Variants in PDE8A observed in about 807,000 individuals in gnomAD.
The protein encoded by PDE8A is high affinity cAMP-specific and IBMX-insensitive 3',5'-cyclic phosphodiesterase 8A.
In PDE8A, 59 loss-of-function variants were observed where a neutral mutation model predicts 105.0. The observed-to-expected ratio is 0.56, with a 90% CI of 0.46 to 0.70. The LOEUF (loss-of-function observed/expected upper bound fraction) is 0.70. PDE8A is among the 30% of genes least tolerant of loss of function. The pLI is 0.00. For synonymous variants in PDE8A, 355 were observed against 371.9 expected (o/e 0.95, Z 0.52); for missense variants, 1,014 against 1,045.9 (o/e 0.97, Z 0.42).
rs143267825 is a variant in PDE8A at position 85,087,514 on chromosome 15, T to C, written c.636-1824T>C. On this transcript the variant is annotated intron_variant, in intron 6 of 21. Transcript: ENST00000394553. Reference sequence around the variant, plus strand: ...CGTGCCTGGCCAGCATTGTTATTTTTAGAGTTTACTTAGTAGTATCTCTGC... The same window carrying C: ...CGTGCCTGGCCAGCATTGTTATTTTCAGAGTTTACTTAGTAGTATCTCTGC... Among the ~76,000 whole-genome samples, 152 of 152,326 alleles carry C rather than the reference T, an allele frequency of 1.0e-3. 1 individual carries two copies. The highest frequency in any genetic ancestry group is 3.6e-3 in the African/African-American group (148 of 41,572).
At chr15:85,052,550 G>T (rs1285013035) in intron 1 of PDE8A, among the ~76,000 whole-genome samples, 2 of 152,284 alleles carry the variant, frequency 1.3e-5, no homozygotes, top group Admixed American at 6.5e-5. Flanking sequence ...TTGTGGTTTT[G>T]ATTTGCATTT....
rs1188383894 is a variant in PDE8A, at chr15:85,075,878, A to C, written c.451A>C (p.Lys151Gln). 3 of 1,569,158 alleles carry C rather than the reference A, an allele frequency of 1.9e-6. No individual in the cohort carries two copies. The highest frequency in any genetic ancestry group is 2.6e-6 in the Non-Finnish European group (3 of 1,144,870). The change falls in exon 4 of 22, where the codon AAA becomes CAA. Residue 151 changes from lysine (K) to glutamine (Q), a missense_variant. Physicochemically the swap from Lys to Gln is moderately conservative, Grantham distance 53 (BLOSUM62 1). Transcript: ENST00000394553. ...TTTTTTAAGGTCTATCAGATCATCA[A>C]AACTCTCAGAAAACACAGTTATTGT... is the stretch of plus-strand genomic sequence containing the variant. The part of the protein sequence containing the change: ...EALCRSIRSS[K>Q]LSENTVIVGV...
intron 1 of PDE8A, among the ~76,000 whole-genome samples, chr15:84,995,291 T>C (rs1312491571): frequency 3.3e-5 from 5 of 151,312 alleles, no homozygotes. Context: ...CTAATTTTAA[T>C]ATAAGTGGAG....
chr15:85,005,817 A>C (rs2080137392), intron 1 of PDE8A, among the ~76,000 whole-genome samples: 1 of 152,158 alleles, frequency 6.6e-6, no homozygotes, highest in Non-Finnish European at 1.5e-5. Context: ...AACTTAAAAA[A>C]TACATATAAT....
intron 20 of PDE8A, among the ~76,000 whole-genome samples, chr15:85,134,052 TAGATG>T (rs1368008975): frequency 3.3e-5 from 5 of 152,170 alleles, no homozygotes. Flanking sequence ...ACTGGTGACT[TAGATG>T]AGGGCATGGG....
intron 1 of PDE8A, among the ~76,000 whole-genome samples, chr15:84,987,120 CAG>C (rs2079814819): frequency 6.6e-6 from 1 of 152,214 alleles, no homozygotes; most frequent in South Asian, 2.1e-4. Flanking sequence ...CTCTAGAGCT[CAG>C]GGGTTGTGAG....
intron 17 of PDE8A, chr15:85,120,138 AAC>A (rs2082158081): frequency 1.6e-5 from 2 of 121,656 alleles, no homozygotes; most frequent in South Asian, 2.6e-4. Flanking sequence ...GAAGTAAAAA[AAC>A]AAAAAAAAAA....
chr15:85,064,585 A>T (rs1347148304), intron 2 of PDE8A, among the ~76,000 whole-genome samples, 159 bp downstream of exon 2: 3 of 152,246 alleles, frequency 2.0e-5, no homozygotes, highest in African/African-American at 7.2e-5. Flanking sequence ...ATAGTTATAT[A>T]AGAGAATATC....
At chr15:85,098,962 GAAAAA>G (rs967484150) in intron 9 of PDE8A, among the ~76,000 whole-genome samples, 6 of 135,348 alleles carry the variant, frequency 4.4e-5, no homozygotes, top group African/African-American at 1.5e-4. Flanking sequence ...GTCTCAAAAG[GAAAAA>G]AAAAAATAAA....
chr15:85,058,311 C>T (rs1596478381), intron 1 of PDE8A, among the ~76,000 whole-genome samples: 1 of 152,202 alleles, frequency 6.6e-6, no homozygotes, highest in East Asian at 1.9e-4. Flanking sequence ...TGTCTTGACT[C>T]CTGGCCTCAA....
At chr15:85,024,565 A>T (rs1281204320) in intron 1 of PDE8A, among the ~76,000 whole-genome samples, 7 of 143,112 alleles carry the variant, frequency 4.9e-5, no homozygotes, top group Admixed American at 2.1e-4. Context: ...TTTTCTTTTC[A>T]CCCTCTATTA....
At chr15:85,101,694 C>T (rs376132345) in intron 11 of PDE8A, among the ~76,000 whole-genome samples, 7 of 151,772 alleles carry the variant, frequency 4.6e-5, no homozygotes, top group Non-Finnish European at 8.8e-5. Context: ...TTGCCATGGT[C>T]GAGAGGAAAG....
chr15:85,067,631 C>G (rs1306471953), intron 3 of PDE8A, among the ~76,000 whole-genome samples: 1 of 151,926 alleles, frequency 6.6e-6, no homozygotes, highest in Non-Finnish European at 1.5e-5. Flanking sequence ...GTGACCTAAA[C>G]CTAAAAAATG....
intron 1 of PDE8A, among the ~76,000 whole-genome samples, chr15:85,015,916 A>G (rs750385756): frequency 2.0e-5 from 3 of 152,010 alleles, no homozygotes; most frequent in Admixed American, 6.6e-5. Context: ...GTGGGCAATC[A>G]CTCGAGGCCA....
intron 1 of PDE8A, among the ~76,000 whole-genome samples, chr15:84,996,823 CAAA>C (rs34363361): frequency 1.7e-4 from 9 of 53,828 alleles, no homozygotes; most frequent in Middle Eastern, 0.025. Context: ...AAGACTCTCT[CAAA>C]AAAAAAAAAA....
At chr15:85,057,615 C>T (rs949135401) in intron 1 of PDE8A, among the ~76,000 whole-genome samples, 6 of 152,336 alleles carry the variant, frequency 3.9e-5, no homozygotes, top group South Asian at 4.1e-4. Flanking sequence ...TTCCATGTCG[C>T]GCACGCTGGG....
intron 17 of PDE8A, chr15:85,120,120 T>A (rs2082157287): frequency 1.4e-5 from 2 of 144,762 alleles, no homozygotes; most frequent in Middle Eastern, 3.5e-3. Context: ...TAAATTAAAT[T>A]GATGTAAGAA....
rs745909592 is a variant in PDE8A, at chr15:85,109,042, T to G, written c.1037-11T>G. ...ATCTTTGAAGAGGTGATTTATCATT[T>G]GTTTCTACAGATAATCAGACAGGCA... On this transcript the variant is annotated splice_polypyrimidine_tract_variant and intron_variant, in intron 11 of 21. Coordinates refer to ENST00000394553, the MANE Select transcript of PDE8A (RefSeq NM_002605.3). The G allele has an allele frequency of 2.5e-6, 4 of 1,579,026 alleles. No homozygotes were observed. In the East Asian group the frequency reaches 6.7e-5, roughly 26 times the overall value.
chr15:85,135,443 C>T (rs539395863), intron 20 of PDE8A, among the ~76,000 whole-genome samples: 5 of 152,132 alleles, frequency 3.3e-5, no homozygotes, highest in Non-Finnish European at 7.4e-5. Context: ...ACAACAGCCA[C>T]CATCCCTTCA....
Sources: gnomAD v4.1 joint callset for allele counts (sites outside exome capture counted in the v4.1 genomes callset) on GRCh38, gnomAD v4.1.1 for gene constraint, MANE v1.5 for transcripts, NCBI Gene and HGNC (gene_info 2026-07-23, HGNC 2026-07-21) for gene names.